The following MDGA2 variants were observed in gnomAD, a reference collection of about 807,000 sequenced individuals.
The protein encoded by MDGA2 is MAM domain-containing glycosylphosphatidylinositol anchor protein 2.
MDGA2 carries 40 observed loss-of-function variants against 117.8 expected under a neutral mutation model. The ratio of observed to expected loss-of-function variants is 0.34; its 90% CI spans 0.26 to 0.44. MDGA2 has a LOEUF of 0.44. Among genes scored for constraint, MDGA2 ranks in the 20% least tolerant of loss-of-function variants. MDGA2 has a pLI of 1.00. For synonymous variants in MDGA2, 452 were observed against 439.0 expected (o/e 1.03, Z -0.37); for missense variants, 1,123 against 1,250.6 (o/e 0.90, Z 1.54).
chr14:47,180,095 A>C (rs1399024460), intron 3 of MDGA2, among the ~76,000 whole-genome samples: 1 of 152,136 alleles, frequency 6.6e-6, no homozygotes, highest in Non-Finnish European at 1.5e-5. Context: ...AAATTGCGTC[A>C]TGGGGGTTTG....
chr14:46,857,906 G>A (rs1020693166), intron 14 of MDGA2, among the ~76,000 whole-genome samples: 5 of 151,958 alleles, frequency 3.3e-5, no homozygotes, highest in Non-Finnish European at 7.4e-5. Context: ...TCCTGCCTTG[G>A]CTTCCCAAAG....
At chr14:47,443,662 T>A (rs1207132875) in intron 1 of MDGA2, among the ~76,000 whole-genome samples, 1 of 152,190 alleles carries the variant, frequency 6.6e-6, no homozygotes, top group Admixed American at 6.6e-5. Flanking sequence ...TTGTCCAAGT[T>A]CATCCTCAAA....
chr14:47,330,246 C>T (rs928069300), intron 1 of MDGA2, among the ~76,000 whole-genome samples: 1 of 151,608 alleles, frequency 6.6e-6, no homozygotes, highest in Non-Finnish European at 1.5e-5. Flanking sequence ...TTTGTATATA[C>T]CTAGATCTAA....
chr14:47,372,577 G>A (rs1183150002), intron 1 of MDGA2, among the ~76,000 whole-genome samples: 3 of 151,850 alleles, frequency 2.0e-5, no homozygotes, highest in East Asian at 3.9e-4. Flanking sequence ...AGTGCTGGTG[G>A]AGAGACTGAA....
intron 3 of MDGA2, among the ~76,000 whole-genome samples, chr14:47,204,610 C>T (rs1487223486): frequency 2.0e-5 from 3 of 151,772 alleles, no homozygotes; most frequent in Non-Finnish European, 4.4e-5. Context: ...TTCTTCATTC[C>T]TAGTATTATT....
At chr14:47,359,972 T>C (rs1891080984) in intron 1 of MDGA2, among the ~76,000 whole-genome samples, 1 of 152,012 alleles carries the variant, frequency 6.6e-6, no homozygotes, top group South Asian at 2.1e-4. Flanking sequence ...GTGAACCATA[T>C]AGCTGATAAA....
chr14:46,873,635 G>T (rs372542940), intron 13 of MDGA2, 44 bp from the exon 14 acceptor site: 1 of 1,519,392 alleles, frequency 6.6e-7, no homozygotes, highest in Non-Finnish European at 8.9e-7. Context: ...TTATTCTTAG[G>T]CATAATGAAA....
intron 1 of MDGA2, among the ~76,000 whole-genome samples, chr14:47,606,143 T>G (rs145864046): frequency 0.021 from 3,222 of 152,304 alleles, 42 homozygotes; most frequent in Non-Finnish European, 0.032. Flanking sequence ...CCAACTAAAT[T>G]AATAGTTTAT....
intron 2 of MDGA2, among the ~76,000 whole-genome samples, chr14:47,230,117 A>C (rs1328002113): frequency 1.3e-5 from 2 of 152,028 alleles, no homozygotes. Flanking sequence ...ATAGAATATA[A>C]TCTAAATTAA....
chr14:47,348,277 T>C (rs1035276775), intron 1 of MDGA2, among the ~76,000 whole-genome samples: 2 of 151,616 alleles, frequency 1.3e-5, no homozygotes, highest in East Asian at 3.9e-4. Flanking sequence ...AGTGCACTGG[T>C]GTGATCTCAC....
At chr14:47,001,518 C>A (rs1324265922) in intron 8 of MDGA2, among the ~76,000 whole-genome samples, 1 of 151,732 alleles carries the variant, frequency 6.6e-6, no homozygotes, top group African/African-American at 2.4e-5. Context: ...TTTGATGTAA[C>A]CAGGATACAT....
intron 6 of MDGA2, among the ~76,000 whole-genome samples, chr14:47,090,524 T>C (rs1879591704): frequency 6.6e-6 from 1 of 152,144 alleles, no homozygotes; most frequent in African/African-American, 2.4e-5. Flanking sequence ...CAAGGCGTCA[T>C]GGGAGCATGA....
intron 3 of MDGA2, among the ~76,000 whole-genome samples, chr14:47,176,553 G>A (rs1260899581): frequency 2.6e-5 from 4 of 152,176 alleles, no homozygotes; most frequent in Non-Finnish European, 4.4e-5. Flanking sequence ...AATGGAGAAA[G>A]GATTCCCTAT....
chr14:47,401,660 A>C (rs1892151931), intron 1 of MDGA2, among the ~76,000 whole-genome samples: 1 of 152,198 alleles, frequency 6.6e-6, no homozygotes, highest in African/African-American at 2.4e-5. Context: ...CCCATAGCCT[A>C]CAGCTGTTGT....
chr14:47,666,692 G>A (rs878877523), intron 1 of MDGA2, among the ~76,000 whole-genome samples: 1 of 152,220 alleles, frequency 6.6e-6, no homozygotes, highest in South Asian at 2.1e-4. Flanking sequence ...GCCTGAGCCA[G>A]CAGTGGCAAC....
chr14:47,584,422 T>C (rs941529655), intron 1 of MDGA2, among the ~76,000 whole-genome samples: 5 of 151,912 alleles, frequency 3.3e-5, no homozygotes, highest in African/African-American at 1.2e-4. Flanking sequence ...TATTTTGTTA[T>C]GTAGATATAA....
At chr14:46,948,121 A>G (rs1458851581) in intron 9 of MDGA2, among the ~76,000 whole-genome samples, 3 of 152,028 alleles carry the variant, frequency 2.0e-5, no homozygotes, top group Non-Finnish European at 4.4e-5. Context: ...CTTTTCTGCA[A>G]TGCTCTTTTT....
At chr14:47,583,331 A>C (rs183837282) in intron 1 of MDGA2, among the ~76,000 whole-genome samples, 1 of 151,854 alleles carries the variant, frequency 6.6e-6, no homozygotes, top group Non-Finnish European at 1.5e-5. Context: ...AGAAGCAGCT[A>C]GCCAGTGAGA....
chr14:47,279,866 A>G (rs1488577416), intron 2 of MDGA2, among the ~76,000 whole-genome samples: 2 of 152,148 alleles, frequency 1.3e-5, no homozygotes, highest in African/African-American at 4.8e-5. Context: ...TTAACTGCTC[A>G]CAATTAAAAG....
Sources: allele counts gnomAD v4.1 joint callset (sites outside exome capture counted in the v4.1 genomes callset), GRCh38; gene constraint gnomAD v4.1.1; transcripts MANE v1.5; gene names NCBI Gene and HGNC (gene_info 2026-07-23, HGNC 2026-07-21).